The following NCAM1 variants were observed in gnomAD, a reference collection of about 807,000 sequenced individuals.
NCAM1 encodes antigen recognized by monoclonal antibody 5.1H11.
NCAM1 carries 14 observed loss-of-function variants against 109.8 expected under a neutral mutation model. The observed-to-expected ratio is 0.13, with a 90% confidence interval of 0.08 to 0.20. The LOEUF is 0.20. Ranked by LOEUF, NCAM1 falls within the 10% of genes least tolerant of loss-of-function variation. NCAM1 has a pLI of 1.00. For synonymous variants in NCAM1, 418 were observed against 442.9 expected (o/e 0.94, Z 0.70); for missense variants, 774 against 1,109.9 (o/e 0.70, Z 4.30).
Position 112,963,786 on chromosome 11 carries a change from A to G in NCAM1, c.52+2122A>G, listed in dbSNP as rs981981650. Among the ~76,000 whole-genome samples, 37 of 152,108 alleles carry G rather than the reference A, an allele frequency of 2.4e-4. No homozygotes were observed. Among genetic ancestry groups the G allele is most frequent in the African/African-American group, 8.7e-4 (36 of 41,390 alleles). ...CATCATCGTGATGGGTACAGTCATC[A>G]GTATTTGGATCCCGTGGAAGTTGCA... On this transcript the variant is annotated intron_variant, in intron 1 of 19. Coordinates refer to ENST00000316851, the MANE Select transcript of NCAM1 (RefSeq NM_181351.5). The surrounding 1 kb of genome is among the most constrained non-coding windows in gnomAD (Gnocchi z 4.6).
At position 113,008,761 on chromosome 11, in the gene NCAM1, A is replaced by G. The variant is rs79349114; in HGVS notation, c.52+47097A>G. 8.3e-4 allele frequency among the ~76,000 whole-genome samples: 127 copies of G among 152,326 alleles called. 2 individuals carry two copies. The East Asian group carries it at 0.022, about 27-fold the overall frequency. ...AAGTTAAAAGTCAGAAAGAAAGGGA[A>G]CCAAACATCTCTTTGTTTTACACAC... On this transcript the variant is annotated intron_variant, in intron 1 of 19. Coordinates refer to ENST00000316851, the MANE Select transcript of NCAM1 (RefSeq NM_181351.5).
At chr11:113,169,368 A>G (rs1478446523) in intron 1 of NCAM1, among the ~76,000 whole-genome samples, 2 of 152,136 alleles carry the variant, frequency 1.3e-5, no homozygotes, top group East Asian at 1.9e-4. Context: ...GCAGAGAGAA[A>G]AGATGTTTGC....
chr11:113,230,637 C>T (rs1591439974), intron 9 of NCAM1, among the ~76,000 whole-genome samples: 1 of 152,322 alleles, frequency 6.6e-6, no homozygotes, highest in East Asian at 1.9e-4. Flanking sequence ...AGACCCAACG[C>T]ATGGGATGGC....
At chr11:113,151,757 A>T (rs1051060512) in intron 1 of NCAM1, among the ~76,000 whole-genome samples, 2 of 152,260 alleles carry the variant, frequency 1.3e-5, no homozygotes, top group African/African-American at 4.8e-5. Flanking sequence ...AGCAGCTCTT[A>T]GCTTTCAGTT....
chr11:113,265,057 C>A (rs748160487), intron 17 of NCAM1: 594 of 985,444 alleles, frequency 6.0e-4, no homozygotes, highest in Non-Finnish European at 6.8e-4. Flanking sequence ...CCCCTTTGCT[C>A]ATTTTTGGAC....
intron 1 of NCAM1, among the ~76,000 whole-genome samples, chr11:112,978,852 T>G (rs782474260): frequency 1.3e-5 from 2 of 151,854 alleles, no homozygotes; most frequent in Non-Finnish European, 2.9e-5. Flanking sequence ...AGACAAAGCT[T>G]ATTGTTTTAA....
chr11:113,177,883 C>G (rs976068253), intron 1 of NCAM1, among the ~76,000 whole-genome samples: 2 of 152,062 alleles, frequency 1.3e-5, no homozygotes, highest in Non-Finnish European at 2.9e-5. Context: ...TGCTTGTTAC[C>G]GTCACATTTT....
intron 1 of NCAM1, among the ~76,000 whole-genome samples, chr11:113,118,305 G>C (rs1348938021): frequency 6.6e-6 from 1 of 151,822 alleles, no homozygotes; most frequent in Non-Finnish European, 1.5e-5. Flanking sequence ...CTGTTCAGCT[G>C]TTCTTTTAGC....
chr11:113,216,146 A>ATTTTTTT (rs34687568), intron 8 of NCAM1, among the ~76,000 whole-genome samples: 15 of 101,500 alleles, frequency 1.5e-4, no homozygotes, highest in South Asian at 3.4e-4. Context: ...CTATGATTTC[A>ATTTTTTT]TTTTTTTTTT....
intron 14 of NCAM1, among the ~76,000 whole-genome samples, chr11:113,237,522 G>A (rs947761157): frequency 6.6e-5 from 10 of 152,198 alleles, no homozygotes; most frequent in Admixed American, 1.3e-4. Flanking sequence ...CCTTCAGGCC[G>A]GACTGACAGG....
chr11:113,191,739 AC>A (rs1488255547), intron 1 of NCAM1, among the ~76,000 whole-genome samples: 48 of 148,994 alleles, frequency 3.2e-4, no homozygotes, highest in African/African-American at 1.2e-3. Context: ...AGATATACAC[AC>A]ATGTATGTGT....
intron 1 of NCAM1, among the ~76,000 whole-genome samples, chr11:113,110,241 A>G (rs939038711): frequency 2.0e-5 from 3 of 152,230 alleles, no homozygotes; most frequent in Admixed American, 6.5e-5. Flanking sequence ...TTCCCAGCAG[A>G]GACAGATAGA....
At chr11:113,189,792 G>T (rs1174236141) in intron 1 of NCAM1, among the ~76,000 whole-genome samples, 2 of 151,128 alleles carry the variant, frequency 1.3e-5, no homozygotes, top group African/African-American at 4.9e-5. Context: ...GAGGAGGAAA[G>T]TCTTAAGAAA....
chr11:113,072,317 C>T (rs1299738794), intron 1 of NCAM1, among the ~76,000 whole-genome samples: 2 of 152,120 alleles, frequency 1.3e-5, no homozygotes, highest in Non-Finnish European at 2.9e-5. Context: ...AGGGCACTGT[C>T]GTATTTCAAA....
chr11:113,191,030 CG>C (rs1390953216), intron 1 of NCAM1, among the ~76,000 whole-genome samples: 10 of 152,148 alleles, frequency 6.6e-5, no homozygotes, highest in African/African-American at 2.2e-4. Context: ...TTATTATCAA[CG>C]TTTTAATAAG....
At chr11:113,008,151 G>A (rs1181613713) in intron 1 of NCAM1, among the ~76,000 whole-genome samples, 4 of 152,142 alleles carry the variant, frequency 2.6e-5, no homozygotes, top group African/African-American at 7.2e-5. Context: ...CTTCTTCATA[G>A]TCTTATTCCA....
At chr11:113,079,042 G>A (rs544441658) in intron 1 of NCAM1, among the ~76,000 whole-genome samples, 33 of 152,250 alleles carry the variant, frequency 2.2e-4, no homozygotes, top group Non-Finnish European at 4.7e-4. Context: ...ACTCAACAAC[G>A]TGGAGAGAGC....
chr11:112,994,152 T>A (rs1489010507), intron 1 of NCAM1, among the ~76,000 whole-genome samples: 1 of 152,252 alleles, frequency 6.6e-6, no homozygotes, highest in African/African-American at 2.4e-5. Flanking sequence ...AGGTAAACTT[T>A]ATGCATTATT....
Position 113,275,387 on chromosome 11 carries a change from A to T in NCAM1, c.2577A>T (p.Ter859CysextTer11). 6.2e-7 allele frequency: 1 copy of T among 1,612,138 alleles called. No individual in the cohort carries two copies. Among genetic ancestry groups the T allele is most frequent in the Non-Finnish European group, 8.5e-7 (1 of 1,179,038 alleles). Residue 859 changes from the stop codon to cysteine (C), a stop_lost, in exon 20 of 20, where the codon TGA becomes TGT. Transcript: ENST00000316851. ...TQTKENESKA* is the reference protein window; with the variant it reads ...TQTKENESKAC The stretch of plus-strand genomic sequence containing the variant: ...CAAAGGAGAACGAGAGCAAAGCATG[A>T]TGGGTGAAGAGAACCGAGCAAAGAT...
Sources: gnomAD v4.1 joint callset for allele counts (sites outside exome capture counted in the v4.1 genomes callset) on GRCh38, gnomAD v4.1.1 for gene constraint, Gnocchi (gnomAD v3.1) non-coding constraint, MANE v1.5 for transcripts, NCBI Gene and HGNC (gene_info 2026-07-23, HGNC 2026-07-21) for gene names.